Variants in KCNIP4 observed in about 807,000 individuals in gnomAD.
KCNIP4 encodes potassium voltage-gated channel interacting protein 4.
A neutral mutation model predicts 34.0 loss-of-function variants in KCNIP4; 12 were observed. The ratio of observed to expected loss-of-function variants is 0.35; its 90% confidence interval spans 0.23 to 0.57. The LOEUF (loss-of-function observed/expected upper bound fraction) is 0.57, where lower values mean the gene tolerates loss of function less well. Among genes scored for constraint, KCNIP4 ranks in the 20% least tolerant of loss-of-function variants. The pLI, the probability that KCNIP4 is intolerant of heterozygous loss-of-function variation, is 0.83. For missense variants in KCNIP4, 238 were observed against 311.7 expected, an observed-to-expected ratio of 0.76 and a Z score of 1.78; for synonymous variants, 124 against 102.2, an observed-to-expected ratio of 1.21 and a Z score of -1.29.
intron 1 of KCNIP4, among the ~76,000 whole-genome samples, chr4:21,699,606 G>C (rs981155966): frequency 6.6e-6 from 1 of 152,130 alleles, no homozygotes; most frequent in Non-Finnish European, 1.5e-5. Context: ...TTGGGTGGAG[G>C]AAACAGCTTA....
At chr4:21,532,475 C>T (rs1362975884) in intron 1 of KCNIP4, among the ~76,000 whole-genome samples, 1 of 152,178 alleles carries the variant, frequency 6.6e-6, no homozygotes, top group Non-Finnish European at 1.5e-5. Flanking sequence ...AAAAGTTTCT[C>T]TCCATTGTTG....
chr4:21,079,896 C>A (rs1265957277), intron 1 of KCNIP4, among the ~76,000 whole-genome samples: 1 of 151,702 alleles, frequency 6.6e-6, no homozygotes, highest in Non-Finnish European at 1.5e-5. Flanking sequence ...GGGATGGCCT[C>A]TAGAAGCTGT....
In KCNIP4 at chr4:20,729,772, G is replaced by A. The variant is rs986203126; in HGVS notation, c.*310C>T. ...ACTGATATTTTAAAATCACTGATATGTGAAAGCCTCAATAATCCCATGGCT... is the reference window on the plus strand; with the variant it reads ...ACTGATATTTTAAAATCACTGATATATGAAAGCCTCAATAATCCCATGGCT... On this transcript the variant is annotated 3_prime_UTR_variant, in exon 9 of 9. Transcript: ENST00000382152. 4.0e-6 allele frequency: 1 copy of A among 252,882 alleles called. No homozygotes were observed. Among genetic ancestry groups the A allele is most frequent in the African/African-American group, 2.2e-5 (1 of 45,082 alleles). 15.7% of individuals were successfully genotyped at this position (252,882 alleles called of 1,614,324 possible). A position where few individuals can be genotyped will look rare whatever the true frequency, so the allele number is the denominator to read the frequency against.
chr4:21,834,987 C>T (rs937593391), intron 1 of KCNIP4, among the ~76,000 whole-genome samples: 6 of 151,928 alleles, frequency 3.9e-5, no homozygotes, highest in Admixed American at 1.3e-4. Flanking sequence ...CTGCTGGATT[C>T]GATTTGCCAG....
chr4:21,773,838 C>G (rs916092105), intron 1 of KCNIP4, among the ~76,000 whole-genome samples: 30 of 151,214 alleles, frequency 2.0e-4, no homozygotes, highest in Admixed American at 1.8e-3. Flanking sequence ...TGTGTTTCTG[C>G]ATGTAAGATG....
At chr4:20,795,846 T>C (rs1176545345) in intron 3 of KCNIP4, among the ~76,000 whole-genome samples, 1 of 152,210 alleles carries the variant, frequency 6.6e-6, no homozygotes, top group African/African-American at 2.4e-5. Flanking sequence ...ATTTCCACTG[T>C]TGAAGTTCTT....
intron 3 of KCNIP4, among the ~76,000 whole-genome samples, chr4:20,833,371 G>C (rs1191007174): frequency 6.6e-6 from 1 of 152,074 alleles, no homozygotes; most frequent in African/African-American, 2.4e-5. Flanking sequence ...TGTAGTCCCA[G>C]CTACTCAGGA....
At chr4:21,825,324 G>T (rs1578037018) in intron 1 of KCNIP4, among the ~76,000 whole-genome samples, 1 of 151,272 alleles carries the variant, frequency 6.6e-6, no homozygotes, top group South Asian at 2.1e-4. Flanking sequence ...ATTTATTTTT[G>T]ACTTTTACAA....
chr4:21,806,650 T>C (rs1721315894), intron 1 of KCNIP4, among the ~76,000 whole-genome samples: 1 of 152,218 alleles, frequency 6.6e-6, no homozygotes, highest in Non-Finnish European at 1.5e-5. Context: ...TTCTCAAAGT[T>C]CATGACCTGT....
At position 21,680,995 on chromosome 4, in the gene KCNIP4, G is replaced by A. The variant is rs114850814; in HGVS notation, c.61+267576C>T. ...TAAAAAGAGAGTCAGTCTCCCCTTTGAAGCTTTGGAGCCAGGCATTGAATT... is the reference window on the plus strand; with the variant it reads ...TAAAAAGAGAGTCAGTCTCCCCTTTAAAGCTTTGGAGCCAGGCATTGAATT... On this transcript the variant is annotated intron_variant, in intron 1 of 8. Coordinates refer to ENST00000382152, the MANE Select transcript of KCNIP4 (RefSeq NM_025221.6). 3.1e-3 allele frequency among the ~76,000 whole-genome samples: 471 copies of A among 152,302 alleles called. 2 individuals are homozygous for A. The highest frequency in any genetic ancestry group is 0.011 in the African/African-American group (448 of 41,570).
chr4:21,329,198 T>C (rs1715385247), intron 1 of KCNIP4, among the ~76,000 whole-genome samples: 1 of 152,226 alleles, frequency 6.6e-6, no homozygotes, highest in Non-Finnish European at 1.5e-5. Flanking sequence ...GATTGTATGC[T>C]GACTGATAAA....
chr4:20,952,271 T>TAAAGA (rs1485031550), intron 1 of KCNIP4, among the ~76,000 whole-genome samples: 1 of 152,088 alleles, frequency 6.6e-6, no homozygotes, highest in African/African-American at 2.4e-5. Flanking sequence ...AAGAAGAAAG[T>TAAAGA]AAAGAAACAG....
chr4:21,425,363 G>A (rs987935000), intron 1 of KCNIP4, among the ~76,000 whole-genome samples: 6 of 152,138 alleles, frequency 3.9e-5, no homozygotes, highest in East Asian at 1.9e-4. Context: ...AACTGTCTGC[G>A]ATAATAACAC....
rs1718370933 is a variant in KCNIP4 at position 20,831,031 on chromosome 4, TAA to T, written c.288+19510_288+19511del. On this transcript the variant is annotated intron_variant, in intron 3 of 8. Transcript: ENST00000382152. Reference sequence around the variant, plus strand: ...TTTTAGTATTTGCCTCTGTAAAATATAAAGAGAGTGGGATTGGTTGATCTCAA... The same window carrying T: ...TTTTAGTATTTGCCTCTGTAAAATATAGAGAGTGGGATTGGTTGATCTCAA... Among the ~76,000 whole-genome samples, 10 of 152,322 alleles carry T rather than the reference TAA, an allele frequency of 6.6e-5. No homozygotes were observed. The South Asian group carries it at 2.1e-3, about 32-fold the overall frequency.
intron 1 of KCNIP4, among the ~76,000 whole-genome samples, chr4:21,097,014 T>C (rs894253101): frequency 1.3e-5 from 2 of 152,150 alleles, no homozygotes; most frequent in Non-Finnish European, 2.9e-5. Context: ...AAAAAATTTA[T>C]CAACAAAACA....
chr4:21,760,116 C>T (rs185269333), intron 1 of KCNIP4, among the ~76,000 whole-genome samples: 8 of 151,962 alleles, frequency 5.3e-5, no homozygotes, highest in Non-Finnish European at 8.8e-5. Context: ...ATAATGTTGC[C>T]GTGCAGCTCA....
At chr4:20,933,692 T>G (rs1027496505) in intron 1 of KCNIP4, among the ~76,000 whole-genome samples, 1 of 152,094 alleles carries the variant, frequency 6.6e-6, no homozygotes, top group Admixed American at 6.6e-5. Flanking sequence ...GATTTGACTC[T>G]TCATTTCCTT....
chr4:21,370,844 T>TACACAC (rs1560338034), intron 1 of KCNIP4, among the ~76,000 whole-genome samples: 1 of 25,904 alleles, frequency 3.9e-5, no homozygotes, highest in Non-Finnish European at 5.8e-5. Context: ...TATATATATA[T>TACACAC]ATATATACAC....
chr4:21,488,506 C>G (rs73107932), intron 1 of KCNIP4, among the ~76,000 whole-genome samples: 13,472 of 151,950 alleles, frequency 0.089, 699 homozygotes, highest in East Asian at 0.16. Flanking sequence ...AATGAAATGT[C>G]ACAAAATTAA....
Sources: allele counts gnomAD v4.1 joint callset (sites outside exome capture counted in the v4.1 genomes callset), GRCh38; gene constraint gnomAD v4.1.1; transcripts MANE v1.5; gene names NCBI Gene and HGNC (gene_info 2026-07-23, HGNC 2026-07-21).